Variants in CPD observed in about 807,000 individuals in gnomAD.
CPD encodes the protein carboxypeptidase D, also known as metallocarboxypeptidase D.
CPD carries 69 observed loss-of-function variants against 138.3 expected under a neutral mutation model. The observed-to-expected ratio is 0.50, with a 90% confidence interval of 0.41 to 0.61. CPD has a LOEUF of 0.61. Among genes scored for constraint, CPD ranks in the 20% least tolerant of loss-of-function variants. The pLI, the probability that CPD is intolerant of heterozygous loss-of-function variation, is 0.00. For missense variants in CPD, 1,432 were observed against 1,733.3 expected (o/e 0.83, Z 3.09); for synonymous variants, 651 against 642.1 (o/e 1.01, Z -0.21).
At chr17:30,451,028 A>G (rs1378186578) in intron 13 of CPD, among the ~76,000 whole-genome samples, 1 of 152,164 alleles carries the variant, frequency 6.6e-6, no homozygotes, top group Non-Finnish European at 1.5e-5. Flanking sequence ...TTGAATACAT[A>G]TTTTGTGCTG....
intron 11 of CPD, 76 bp downstream of exon 11, chr17:30,444,047 C>A: frequency 1.4e-6 from 2 of 1,477,982 alleles, no homozygotes; most frequent in Non-Finnish European, 1.8e-6. Flanking sequence ...ATTACTAGAA[C>A]GTTCTAGAGA....
At chr17:30,445,634 A>G (rs908464128) in intron 11 of CPD, 57 bp from the exon 12 acceptor site, 2 of 1,286,618 alleles carry the variant, frequency 1.6e-6, no homozygotes, top group Middle Eastern at 2.3e-4. Flanking sequence ...CTGCCTTCCC[A>G]GGGTTTGGGT....
intron 12 of CPD, among the ~76,000 whole-genome samples, chr17:30,447,980 T>C (rs113601893): frequency 5.9e-5 from 9 of 152,364 alleles, no homozygotes; most frequent in African/African-American, 2.2e-4. Context: ...TTTAGCCTTT[T>C]ACCTTTTTAC....
chr17:30,379,230 A>G lies in CPD; in HGVS notation c.250A>G (p.Ser84Gly), dbSNP rs1383122876. The change falls in exon 1 of 21, where the codon AGC becomes GGC. Residue 84 changes from serine (S) to glycine (G), a missense_variant. Ser to Gly is a moderately conservative substitution (Grantham distance 56). Transcript: ENST00000225719. This position sits in a 1 kb window ranked among gnomAD's most constrained non-coding sequence, Gnocchi z 7.0. ...CCTCCCCGGCCTGGCCCGCCTCTTT[A>G]GCATCGGCCGCTCGGTGGAAGGCCG... The part of the protein sequence containing the change: ...AGLPGLARLF[S>G]IGRSVEGRPL... 6.6e-6 allele frequency: 10 copies of G among 1,523,606 alleles called. No individual in the cohort carries two copies. The allele number at this position is 1,523,606 out of a possible 1,614,324, so 94.4% of individuals were successfully genotyped here.
In CPD at chr17:30,461,926, T is replaced by C; in HGVS notation, c.3680T>C (p.Ile1227Thr). 2 of 1,608,938 alleles carry C rather than the reference T, an allele frequency of 1.2e-6. No homozygotes were observed. The highest frequency in any genetic ancestry group is 8.5e-7 in the Non-Finnish European group (1 of 1,178,166). Residue 1227 changes from isoleucine (I) to threonine (T), a missense_variant, in exon 19 of 21, where the codon ATC becomes ACC. Coordinates refer to ENST00000225719, the MANE Select transcript of CPD (RefSeq NM_001304.5). ...GTTAAAGATAAGACTGGAAAGCCAA[T>C]CTCTAAAGCAGTCATTGTACTTAAT... The part of the protein sequence containing the change: ...GFVKDKTGKP[I>T]SKAVIVLNEG...
At chr17:30,444,089 G>A (rs541890762) in intron 11 of CPD, 118 bp downstream of exon 11, 175 of 976,924 alleles carry the variant, frequency 1.8e-4, no homozygotes, top group African/African-American at 1.6e-3. Flanking sequence ...GGATTGCTGC[G>A]AAGTTTAGGG....
At chr17:30,416,169 A>G (rs1454458552) in intron 2 of CPD, among the ~76,000 whole-genome samples, 1 of 151,914 alleles carries the variant, frequency 6.6e-6, no homozygotes, top group African/African-American at 2.4e-5. Context: ...GTCTCTACTA[A>G]AAAAAATACA....
At chr17:30,385,781 A>G (rs1369362666) in intron 2 of CPD, among the ~76,000 whole-genome samples, 2 of 151,148 alleles carry the variant, frequency 1.3e-5, no homozygotes, top group African/African-American at 2.4e-5. Context: ...CTAGTATCCA[A>G]TCAAAGTTCA....
chr17:30,416,491 G>GTGGTT (rs1912110502), intron 2 of CPD, among the ~76,000 whole-genome samples: 1 of 152,174 alleles, frequency 6.6e-6, no homozygotes, highest in African/African-American at 2.4e-5. Flanking sequence ...GGTTCCTACT[G>GTGGTT]CACTTAGAAT....
intron 2 of CPD, among the ~76,000 whole-genome samples, chr17:30,391,675 G>A (rs1359472193): frequency 6.6e-6 from 1 of 152,184 alleles, no homozygotes; most frequent in Non-Finnish European, 1.5e-5. Context: ...GCGTGTGTGT[G>A]TGTGGTGTGG....
At chr17:30,434,279 A>G (rs1014032067) in intron 8 of CPD, among the ~76,000 whole-genome samples, 14 of 152,164 alleles carry the variant, frequency 9.2e-5, no homozygotes, top group African/African-American at 3.1e-4. Context: ...AAACTGCAAA[A>G]TAACTGTAAA....
chr17:30,395,225 A>G (rs1911470443), intron 2 of CPD, among the ~76,000 whole-genome samples: 1 of 148,746 alleles, frequency 6.7e-6, no homozygotes, highest in East Asian at 1.9e-4. Flanking sequence ...TTTACCTCTA[A>G]AGTGAATGCA....
chr17:30,390,833 C>CT lies in CPD; in HGVS notation c.994+5610dup, dbSNP rs549871325. On this transcript the variant is annotated intron_variant, in intron 2 of 20. Coordinates refer to ENST00000225719, the MANE Select transcript of CPD (RefSeq NM_001304.5). ...TGGACTTGTTCATGGAGTAAGATGC[C>CT]TTTTTTTTTTTTTGAGATGGAGTTT... is the stretch of plus-strand genomic sequence containing the variant. 2.9e-3 allele frequency among the ~76,000 whole-genome samples: 414 copies of CT among 144,242 alleles called. 1 individual carries two copies. Among genetic ancestry groups the CT allele is most frequent in the African/African-American group, 7.7e-3 (303 of 39,422 alleles). 94.6% of individuals were successfully genotyped at this position (144,242 alleles called of 152,430 possible). A position where few individuals can be genotyped will look rare whatever the true frequency, so the allele number is the denominator to read the frequency against.
chr17:30,421,540 A>G (rs1597719410), intron 3 of CPD, 124 bp from the exon 4 acceptor site: 1 of 770,920 alleles, frequency 1.3e-6, no homozygotes, highest in Non-Finnish European at 2.1e-6. Context: ...GGGATTGAAA[A>G]TGTTTTGGGG....
rs199786074 is a variant in CPD at position 30,414,500 on chromosome 17, A to C, written c.995-6341A>C. 1.3e-4 allele frequency among the ~76,000 whole-genome samples: 19 copies of C among 151,954 alleles called. No homozygotes were observed. The East Asian group carries it at 3.5e-3, about 28-fold the overall frequency. On this transcript the variant is annotated intron_variant, in intron 2 of 20. Transcript: ENST00000225719. ...CGGGAAGCTGAGGCAGGAGAATGGCATGAATCCGGGAGGCAGAGCTTGCAG... is the reference window on the plus strand; with the variant it reads ...CGGGAAGCTGAGGCAGGAGAATGGCCTGAATCCGGGAGGCAGAGCTTGCAG...
rs16965754 is a variant in CPD at position 30,428,969 on chromosome 17, A to G, written c.2017+1411A>G. On this transcript the variant is annotated intron_variant, in intron 7 of 20. Transcript: ENST00000225719. ...ATTTACTGGAATATCCAGAAGTACC[A>G]TAGTGGAGACTTCATGTCATATAGA... 2.5e-3 allele frequency among the ~76,000 whole-genome samples: 374 copies of G among 152,294 alleles called. 1 individual carries two copies. Among genetic ancestry groups the G allele is most frequent in the African/African-American group, 8.6e-3 (357 of 41,584 alleles).
intron 2 of CPD, among the ~76,000 whole-genome samples, chr17:30,403,100 C>A (rs1335333771): frequency 6.6e-6 from 1 of 152,070 alleles, no homozygotes; most frequent in Non-Finnish European, 1.5e-5. Flanking sequence ...GAATGAAACT[C>A]CATCTCAAAA....
intron 7 of CPD, among the ~76,000 whole-genome samples, chr17:30,431,139 T>C (rs546498791): frequency 2.6e-5 from 4 of 152,352 alleles, no homozygotes; most frequent in African/African-American, 9.6e-5. Context: ...TATTTTCTAT[T>C]TTTATTATTA....
At chr17:30,385,513 C>T (rs1443638414) in intron 2 of CPD, among the ~76,000 whole-genome samples, 1 of 142,278 alleles carries the variant, frequency 7.0e-6, no homozygotes. Context: ...TGCACACACA[C>T]ACACACACAC....
Sources: allele counts gnomAD v4.1 joint callset (sites outside exome capture counted in the v4.1 genomes callset), GRCh38; gene constraint gnomAD v4.1.1; non-coding constraint Gnocchi (gnomAD v3.1); transcripts MANE v1.5; gene names NCBI Gene and HGNC (gene_info 2026-07-23, HGNC 2026-07-21).